BICC1: variants seen among roughly 807,000 people sequenced by gnomAD.
BICC1 encodes the protein BicC family RNA binding protein 1, also known as protein bicaudal C homolog 1.
Under a neutral mutation model 111.0 loss-of-function variants are expected in BICC1, and 43 were observed. The observed-to-expected ratio is 0.39, with a 90% CI of 0.30 to 0.50. The LOEUF (loss-of-function observed/expected upper bound fraction) is 0.50, where lower values mean the gene tolerates loss of function less well. Ranked by LOEUF, BICC1 falls within the 20% of genes least tolerant of loss-of-function variation. BICC1 has a pLI of 0.88. For missense variants in BICC1, 1,091 were observed against 1,203.2 expected (o/e 0.91, Z 1.38); for synonymous variants, 467 against 434.4 (o/e 1.07, Z -0.93).
chr10:58,812,781 G>A (rs1026483091), intron 17 of BICC1, among the ~76,000 whole-genome samples: 1 of 152,092 alleles, frequency 6.6e-6, no homozygotes, highest in African/African-American at 2.4e-5. Flanking sequence ...CCCGGCCTAT[G>A]ATTCTTAAAT....
At chr10:58,584,318 T>C (rs538738995) in intron 1 of BICC1, among the ~76,000 whole-genome samples, 2 of 152,154 alleles carry the variant, frequency 1.3e-5, no homozygotes, top group Non-Finnish European at 2.9e-5. Flanking sequence ...CCTCCAAAGG[T>C]AACCATACCC....
chr10:58,534,423 A>G (rs1221560094), intron 1 of BICC1, among the ~76,000 whole-genome samples: 2 of 151,766 alleles, frequency 1.3e-5, no homozygotes, highest in African/African-American at 4.8e-5. Flanking sequence ...CAAGCATATC[A>G]CTACTACAAC....
At chr10:58,787,125 C>G in intron 5 of BICC1, 44 bp downstream of exon 5, 5 of 1,473,812 alleles carry the variant, frequency 3.4e-6, no homozygotes, top group Non-Finnish European at 4.5e-6. Flanking sequence ...TGAATTACAG[C>G]CTTAATTTAA....
At chr10:58,813,594 A>G (rs545052711) in intron 17 of BICC1, among the ~76,000 whole-genome samples, 18 of 151,956 alleles carry the variant, frequency 1.2e-4, no homozygotes, top group Non-Finnish European at 7.4e-5. Context: ...CTCAGAATCT[A>G]CTCCCCATAA....
At chr10:58,703,743 G>C (rs1017718448) in intron 3 of BICC1, among the ~76,000 whole-genome samples, 12 of 152,232 alleles carry the variant, frequency 7.9e-5, no homozygotes, top group African/African-American at 2.6e-4. Context: ...GAATAAATTG[G>C]AACTTGAACA....
chr10:58,586,122 C>T (rs1844419751), intron 1 of BICC1, among the ~76,000 whole-genome samples: 2 of 152,150 alleles, frequency 1.3e-5, no homozygotes, highest in African/African-American at 2.4e-5. Flanking sequence ...TAGTTTCCTT[C>T]GTGAGGACTA....
intron 1 of BICC1, among the ~76,000 whole-genome samples, chr10:58,564,363 TTA>T (rs1423541455): frequency 6.6e-6 from 1 of 152,196 alleles, no homozygotes; most frequent in Non-Finnish European, 1.5e-5. Context: ...GTCCTTGGCT[TTA>T]CAGGTGGCAG....
At chr10:58,659,034 A>G (rs950966757) in intron 2 of BICC1, among the ~76,000 whole-genome samples, 1 of 152,202 alleles carries the variant, frequency 6.6e-6, no homozygotes, top group African/African-American at 2.4e-5. Context: ...CTAATTCTAT[A>G]TGTGTCTATA....
intron 15 of BICC1, among the ~76,000 whole-genome samples, chr10:58,806,172 T>G (rs1436340112): frequency 6.6e-6 from 1 of 152,184 alleles, no homozygotes; most frequent in Non-Finnish European, 1.5e-5. Context: ...AGGGGATTTT[T>G]GAGACCCTAA....
chr10:58,789,197 G>A, intron 6 of BICC1, 65 bp from the exon 7 acceptor site: 17 of 1,332,464 alleles, frequency 1.3e-5, no homozygotes, highest in Non-Finnish European at 1.7e-5. Context: ...ACCAATGAAT[G>A]ATACACATGT....
chr10:58,567,447 T>G (rs1457919973), intron 1 of BICC1, among the ~76,000 whole-genome samples: 1 of 151,926 alleles, frequency 6.6e-6, no homozygotes, highest in Admixed American at 6.6e-5. Flanking sequence ...TATATATATG[T>G]CTTTTAGGGG....
intron 2 of BICC1, among the ~76,000 whole-genome samples, chr10:58,675,153 A>G (rs1164553554): frequency 2.0e-5 from 3 of 152,078 alleles, no homozygotes; most frequent in Non-Finnish European, 4.4e-5. Context: ...GGGGTTGAGG[A>G]CAGTTGGAGG....
At chr10:58,582,700 C>G (rs1432309084) in intron 1 of BICC1, among the ~76,000 whole-genome samples, 1 of 152,142 alleles carries the variant, frequency 6.6e-6, no homozygotes, top group Non-Finnish European at 1.5e-5. Context: ...TCTAGAAGCC[C>G]TGGGGGAGGT....
intron 3 of BICC1, among the ~76,000 whole-genome samples, chr10:58,769,402 G>GTATATATA (rs879547814): frequency 1.0e-3 from 117 of 112,244 alleles, no homozygotes; most frequent in East Asian, 2.8e-3. Context: ...GTGTGTGTGT[G>GTATATATA]TGTATATATA....
chr10:58,633,990 C>A (rs143281047), intron 2 of BICC1, among the ~76,000 whole-genome samples: 2 of 68,788 alleles, frequency 2.9e-5, no homozygotes, highest in African/African-American at 1.2e-4. Context: ...TTTTTTTTTT[C>A]TTTTCTTTTT....
At chr10:58,612,232 G>T (rs1208101862) in intron 1 of BICC1, among the ~76,000 whole-genome samples, 1 of 152,176 alleles carries the variant, frequency 6.6e-6, no homozygotes, top group Non-Finnish European at 1.5e-5. Flanking sequence ...TCTTTTCTCA[G>T]TTGGCTCTCA....
At chr10:58,641,063 A>G (rs777103763) in intron 2 of BICC1, among the ~76,000 whole-genome samples, 1 of 152,208 alleles carries the variant, frequency 6.6e-6, no homozygotes, top group African/African-American at 2.4e-5. Flanking sequence ...TTCTTTTACA[A>G]TTCTTCCAAA....
intron 3 of BICC1, among the ~76,000 whole-genome samples, chr10:58,712,232 C>T (rs1840599457): frequency 6.6e-6 from 1 of 152,180 alleles, no homozygotes; most frequent in Non-Finnish European, 1.5e-5. Flanking sequence ...GCCATAGGAA[C>T]TCTCATTCAT....
intron 1 of BICC1, among the ~76,000 whole-genome samples, chr10:58,574,474 T>C (rs1844050880): frequency 6.6e-6 from 1 of 151,630 alleles, no homozygotes; most frequent in Non-Finnish European, 1.5e-5. Context: ...ATACATGTAT[T>C]GATATGTTAA....
Sources: allele counts gnomAD v4.1 joint callset (sites outside exome capture counted in the v4.1 genomes callset), GRCh38; gene constraint gnomAD v4.1.1; transcripts MANE v1.5; gene names NCBI Gene and HGNC (gene_info 2026-07-23, HGNC 2026-07-21).